The following COL15A1 variants were observed in gnomAD, a reference collection of about 807,000 sequenced individuals.
COL15A1 encodes the protein collagen alpha-1(XV) chain.
Under a neutral mutation model 165.9 loss-of-function variants are expected in COL15A1, and 111 were observed. That is an observed-to-expected ratio of 0.67 (90% CI 0.57 to 0.78). The LOEUF (loss-of-function observed/expected upper bound fraction) is 0.78. Ranked by LOEUF, COL15A1 falls within the 30% of genes least tolerant of loss-of-function variation. The probability of loss-of-function intolerance (pLI) is 0.00; values close to 1 mark genes in which losing one functional copy is unlikely to be tolerated. For synonymous variants in COL15A1, 659 were observed against 674.8 expected (o/e 0.98, Z 0.36); for missense variants, 1,745 against 1,789.7 (o/e 0.98, Z 0.45).
At chr9:99,027,775 A>G (rs1476679212) in intron 16 of COL15A1, among the ~76,000 whole-genome samples, 1 of 152,224 alleles carries the variant, frequency 6.6e-6, no homozygotes, top group African/African-American at 2.4e-5. Context: ...AGGTTTTCTG[A>G]TCAAGCAAAA....
intron 40 of COL15A1, among the ~76,000 whole-genome samples, chr9:99,067,645 C>T (rs1825916249): frequency 1.3e-5 from 2 of 152,334 alleles, no homozygotes; most frequent in South Asian, 4.1e-4. Context: ...GTCCTGATGA[C>T]TGTTTCTTAA....
At chr9:99,057,751 A>T (rs778368309) in intron 35 of COL15A1, among the ~76,000 whole-genome samples, 2 of 152,202 alleles carry the variant, frequency 1.3e-5, no homozygotes, top group Admixed American at 6.5e-5. Flanking sequence ...AGCAGCAATA[A>T]TAGCATGAAG....
intron 6 of COL15A1, 97 bp from the exon 7 acceptor site, chr9:99,000,742 C>T: frequency 5.5e-6 from 4 of 727,370 alleles, no homozygotes; most frequent in Non-Finnish European, 9.9e-6. Flanking sequence ...GTCATGGTAT[C>T]TGAACATCTT....
intron 2 of COL15A1, among the ~76,000 whole-genome samples, chr9:98,960,505 G>A (rs75720522): frequency 0.016 from 2,426 of 152,204 alleles, 65 homozygotes; most frequent in East Asian, 0.09. Flanking sequence ...CTAGACCCAC[G>A]GCATCAGATC....
At chr9:99,007,416 C>G (rs1187069319) in intron 9 of COL15A1, among the ~76,000 whole-genome samples, 1 of 152,076 alleles carries the variant, frequency 6.6e-6, no homozygotes, top group Non-Finnish European at 1.5e-5. Flanking sequence ...TTCACATTTC[C>G]CCCTTTTTAA....
At chr9:99,055,701 T>G (rs1825711553) in intron 34 of COL15A1, among the ~76,000 whole-genome samples, 1 of 152,142 alleles carries the variant, frequency 6.6e-6, no homozygotes, top group South Asian at 2.1e-4. Context: ...GAATGGAAGG[T>G]AAGGAGATAT....
At chr9:99,003,120 G>A (rs1838692142) in intron 7 of COL15A1, among the ~76,000 whole-genome samples, 1 of 152,242 alleles carries the variant, frequency 6.6e-6, no homozygotes, top group South Asian at 2.1e-4. Context: ...CAAAGACATT[G>A]TCTAATGCCT....
chr9:98,991,110 G>A (rs1227297288), intron 5 of COL15A1, among the ~76,000 whole-genome samples: 1 of 152,180 alleles, frequency 6.6e-6, no homozygotes, highest in Non-Finnish European at 1.5e-5. Flanking sequence ...CCCCATGAGT[G>A]TTACAGCTCA....
intron 9 of COL15A1, among the ~76,000 whole-genome samples, chr9:99,011,198 G>A (rs1403670437): frequency 1.3e-5 from 2 of 152,030 alleles, no homozygotes; most frequent in East Asian, 3.8e-4. Flanking sequence ...AGAAAATTTT[G>A]TAGTTCAAAC....
At position 99,035,553 on chromosome 9, in the gene COL15A1, A is replaced by G. The variant is rs1167878964; in HGVS notation, c.2289+135A>G. On this transcript the variant is annotated intron_variant, in intron 19 of 41. Transcript: ENST00000375001. ...TGTGCCTCCAGCCCCCAACTGTGCA[A>G]TAGGGAAATGAGATGCTCTTTACAG... 45 of 1,046,362 alleles carry G rather than the reference A, an allele frequency of 4.3e-5. No individual in the cohort carries two copies. In the Admixed American group the frequency reaches 9.3e-4, roughly 22 times the overall value. 64.8% of individuals were successfully genotyped at this position (1,046,362 alleles called of 1,614,324 possible). A position where few individuals can be genotyped will look rare whatever the true frequency, so the allele number is the denominator to read the frequency against.
chr9:98,965,563 A>T (rs1199924426), intron 2 of COL15A1, among the ~76,000 whole-genome samples: 1 of 151,672 alleles, frequency 6.6e-6, no homozygotes, highest in Non-Finnish European at 1.5e-5. Context: ...TTTTTGCTCC[A>T]ATGCTGGAGG....
chr9:98,993,489 C>G (rs1838485592), intron 5 of COL15A1, among the ~76,000 whole-genome samples: 1 of 152,204 alleles, frequency 6.6e-6, no homozygotes, highest in Non-Finnish European at 1.5e-5. Flanking sequence ...TCCTGATCAT[C>G]AGAATGCCTT....
rs1838253406 is a variant in COL15A1 at position 98,982,873 on chromosome 9, A to T, written c.101-2692A>T. 2.0e-5 allele frequency among the ~76,000 whole-genome samples: 3 copies of T among 152,172 alleles called. No homozygotes were observed. The South Asian group carries it at 6.2e-4, about 32-fold the overall frequency. On this transcript the variant is annotated intron_variant, in intron 2 of 41. Coordinates refer to ENST00000375001, the MANE Select transcript of COL15A1 (RefSeq NM_001855.5). ...GGCCTTGAACTCCTGGGCTCAAGTGATCTGCACTCCTTGGCCTCCCAAAGT... is the reference window on the plus strand; with the variant it reads ...GGCCTTGAACTCCTGGGCTCAAGTGTTCTGCACTCCTTGGCCTCCCAAAGT...
chr9:99,056,028 G>A (rs1034404606), intron 34 of COL15A1, among the ~76,000 whole-genome samples: 1 of 152,170 alleles, frequency 6.6e-6, no homozygotes, highest in Non-Finnish European at 1.5e-5. Flanking sequence ...GATCTCCAAG[G>A]TCCCTTCTGC....
chr9:98,950,173 T>C (rs1422092099), intron 2 of COL15A1, among the ~76,000 whole-genome samples: 3 of 152,240 alleles, frequency 2.0e-5, no homozygotes, highest in East Asian at 3.8e-4. Flanking sequence ...ATTCGGATGC[T>C]TGACGGCCTG....
At chr9:99,020,351 T>C (rs1313378961) in intron 11 of COL15A1, 38 bp from the exon 12 acceptor site, 2 of 1,526,310 alleles carry the variant, frequency 1.3e-6, no homozygotes, top group South Asian at 1.1e-5. Context: ...GTCCCAAATA[T>C]GTTGTGGCCA....
At chr9:98,974,566 G>A (rs1299568653) in intron 2 of COL15A1, among the ~76,000 whole-genome samples, 1 of 152,196 alleles carries the variant, frequency 6.6e-6, no homozygotes, top group Non-Finnish European at 1.5e-5. Context: ...GCGCAGAGGA[G>A]GGGGACTGAG....
At chr9:99,040,743 T>A (rs1180268676) in intron 23 of COL15A1, 187 bp downstream of exon 23, 1 of 1,024,178 alleles carries the variant, frequency 9.8e-7, no homozygotes, top group Non-Finnish European at 1.4e-6. Context: ...GGTCTGGAAC[T>A]CCTGAGCTCA....
At chr9:99,020,487 A>C (rs776540102) in intron 12 of COL15A1, 45 bp downstream of exon 12, 1 of 1,354,530 alleles carries the variant, frequency 7.4e-7, no homozygotes, top group Non-Finnish European at 1.1e-6. Flanking sequence ...CTCCTGATCA[A>C]GTGTCCTGAA....
Sources: allele counts gnomAD v4.1 joint callset (sites outside exome capture counted in the v4.1 genomes callset), GRCh38; gene constraint gnomAD v4.1.1; transcripts MANE v1.5; gene names NCBI Gene and HGNC (gene_info 2026-07-23, HGNC 2026-07-21).